ADK: variants seen among roughly 807,000 people sequenced by gnomAD.
ADK encodes adenosine kinase, also known as N6,N6-dimethyladenosine kinase.
A neutral mutation model predicts 44.7 loss-of-function variants in ADK; 24 were observed. The observed-to-expected ratio is 0.54, with a 90% CI of 0.39 to 0.76. ADK has a LOEUF of 0.76. Among genes scored for constraint, ADK ranks in the 30% least tolerant of loss-of-function variants. The pLI is 0.00. For synonymous variants in ADK, 128 were observed against 142.6 expected (o/e 0.90, Z 0.73); for missense variants, 321 against 425.1 (o/e 0.76, Z 2.15).
chr10:74,338,800 G>A (rs1841493556), intron 4 of ADK, among the ~76,000 whole-genome samples: 1 of 152,158 alleles, frequency 6.6e-6, no homozygotes, highest in South Asian at 2.1e-4. Flanking sequence ...CTATAAGGGA[G>A]TTGCAGGAGA....
At chr10:74,565,637 G>A (rs1160539939) in intron 7 of ADK, among the ~76,000 whole-genome samples, 2 of 142,550 alleles carry the variant, frequency 1.4e-5, no homozygotes, top group Non-Finnish European at 3.0e-5. Flanking sequence ...TGAGGCAGGA[G>A]AATCGCTTGA....
chr10:74,404,675 AT>A, intron 6 of ADK, among the ~76,000 whole-genome samples: 1 of 152,090 alleles, frequency 6.6e-6, no homozygotes. Context: ...CATTCCCCAA[AT>A]TTTGCTGCTT....
chr10:74,194,078 C>G (rs1379015371), intron 1 of ADK, among the ~76,000 whole-genome samples: 1 of 151,922 alleles, frequency 6.6e-6, no homozygotes, highest in Non-Finnish European at 1.5e-5. Context: ...GTTAACAGCA[C>G]TCTTGAGTGA....
chr10:74,256,719 T>C (rs147919310), intron 3 of ADK, among the ~76,000 whole-genome samples: 313 of 152,290 alleles, frequency 2.1e-3, no homozygotes, highest in African/African-American at 7.0e-3. Flanking sequence ...AAATGACTTA[T>C]GATGAACAGC....
intron 6 of ADK, among the ~76,000 whole-genome samples, chr10:74,429,033 A>C (rs1364591211): frequency 6.6e-6 from 1 of 152,242 alleles, no homozygotes; most frequent in East Asian, 1.9e-4. Flanking sequence ...AATGAGGTAA[A>C]AATGTGACAA....
chr10:74,358,538 T>C (rs1389335051), intron 4 of ADK, among the ~76,000 whole-genome samples: 1 of 152,212 alleles, frequency 6.6e-6, no homozygotes, highest in Non-Finnish European at 1.5e-5. Flanking sequence ...CAAAAGCATA[T>C]GGATTATTTC....
intron 3 of ADK, among the ~76,000 whole-genome samples, chr10:74,297,422 A>G (rs1446747603): frequency 6.6e-6 from 1 of 152,256 alleles, no homozygotes; most frequent in African/African-American, 2.4e-5. Context: ...TGGTTTTTAA[A>G]AAACAATTTA....
chr10:74,397,498 TAAAC>T (rs1843559724), intron 5 of ADK, among the ~76,000 whole-genome samples: 1 of 152,186 alleles, frequency 6.6e-6, no homozygotes, highest in Admixed American at 6.5e-5. Context: ...TATTTTTAAT[TAAAC>T]AAGCCAAGTG....
chr10:74,660,034 C>T (rs376090839), intron 9 of ADK, among the ~76,000 whole-genome samples: 22 of 152,168 alleles, frequency 1.4e-4, no homozygotes, highest in East Asian at 1.2e-3. Flanking sequence ...AAAAGGAATG[C>T]TTATTATGTG....
intron 4 of ADK, among the ~76,000 whole-genome samples, chr10:74,374,725 G>A (rs1443456761): frequency 6.6e-6 from 1 of 152,058 alleles, no homozygotes; most frequent in Admixed American, 6.5e-5. Context: ...TTCAGAGAAA[G>A]CATGCCCATG....
chr10:74,179,616 G>A (rs1490731218), intron 1 of ADK, among the ~76,000 whole-genome samples: 14 of 152,118 alleles, frequency 9.2e-5, no homozygotes, highest in Admixed American at 8.5e-4. Context: ...CCATGGCAAC[G>A]TTCAGACCTT....
At chr10:74,187,937 G>A (rs767800433) in intron 1 of ADK, among the ~76,000 whole-genome samples, 1 of 152,140 alleles carries the variant, frequency 6.6e-6, no homozygotes, top group Non-Finnish European at 1.5e-5. Flanking sequence ...TATAAGATTG[G>A]TATTGTTACT....
intron 3 of ADK, among the ~76,000 whole-genome samples, chr10:74,274,863 A>T (rs1334004667): frequency 1.3e-5 from 2 of 150,964 alleles, no homozygotes; most frequent in Non-Finnish European, 3.0e-5. Flanking sequence ...AAGTGCTGGG[A>T]TTACCAGCAT....
At chr10:74,227,134 G>A (rs1227058946) in intron 3 of ADK, among the ~76,000 whole-genome samples, 1 of 152,248 alleles carries the variant, frequency 6.6e-6, no homozygotes, top group East Asian at 1.9e-4. Flanking sequence ...CTCACCTGCT[G>A]TATTAAAAAC....
chr10:74,699,660 G>A (rs1239404139), intron 10 of ADK, among the ~76,000 whole-genome samples: 1 of 152,082 alleles, frequency 6.6e-6, no homozygotes, highest in East Asian at 1.9e-4. Flanking sequence ...GGATGACAGA[G>A]GAGACTCTCA....
intron 6 of ADK, among the ~76,000 whole-genome samples, chr10:74,418,335 A>G (rs991895017): frequency 2.6e-5 from 4 of 152,182 alleles, no homozygotes; most frequent in Admixed American, 6.5e-5. Context: ...AACTGAGCTC[A>G]GTCATTGCAC....
At chr10:74,572,832 G>A (rs375457030) in intron 7 of ADK, among the ~76,000 whole-genome samples, 7 of 151,986 alleles carry the variant, frequency 4.6e-5, no homozygotes, top group African/African-American at 7.3e-5. Context: ...CGTAGTTCTC[G>A]AGCCTTGGCT....
intron 3 of ADK, among the ~76,000 whole-genome samples, chr10:74,230,254 G>T (rs1200229430): frequency 6.6e-6 from 1 of 151,214 alleles, no homozygotes; most frequent in Non-Finnish European, 1.5e-5. Context: ...TCAGGGCCCG[G>T]TTTTTTTTGT....
intron 9 of ADK, among the ~76,000 whole-genome samples, chr10:74,646,843 G>A (rs939709514): frequency 1.1e-4 from 16 of 152,192 alleles, no homozygotes; most frequent in African/African-American, 3.9e-4. Context: ...AAAACAGTGG[G>A]TGCATTTAAA....
Sources: allele counts gnomAD v4.1 joint callset (sites outside exome capture counted in the v4.1 genomes callset), GRCh38; gene constraint gnomAD v4.1.1; transcripts MANE v1.5; gene names NCBI Gene and HGNC (gene_info 2026-07-23, HGNC 2026-07-21).